TMEM196: variants seen among roughly 807,000 people sequenced by gnomAD.
The protein encoded by TMEM196 is transmembrane protein 196.
In TMEM196, 17 loss-of-function variants were observed where a neutral mutation model predicts 20.0. That is an observed-to-expected ratio of 0.85 (90% CI 0.58 to 1.27). The LOEUF (loss-of-function observed/expected upper bound fraction) is 1.27. TMEM196 is among the 50% of genes most tolerant of loss of function. The pLI is 0.00. For synonymous variants in TMEM196, 113 were observed against 88.9 expected (o/e 1.27, Z -1.52); for missense variants, 267 against 223.0 (o/e 1.20, Z -1.26).
intron 1 of TMEM196, among the ~76,000 whole-genome samples, chr7:19,771,655 G>GA (rs1216318863): frequency 6.6e-6 from 1 of 152,118 alleles, no homozygotes; most frequent in Non-Finnish European, 1.5e-5. Flanking sequence ...TAGCTTGAAG[G>GA]AAAAAACTGG....
intron 1 of TMEM196, among the ~76,000 whole-genome samples, chr7:19,752,146 A>G (rs1785012819): frequency 2.6e-5 from 4 of 152,216 alleles, no homozygotes; most frequent in South Asian, 2.1e-4. Context: ...GGTCATCATA[A>G]AAGCTTATGT....
rs78218770 is a variant in TMEM196, at chr7:19,727,363, G to A, written c.205-1595C>T. On this transcript the variant is annotated intron_variant, in intron 2 of 4. Transcript: ENST00000405844. ...AGAAGGCTTTCTTGAGAATATGTCA[G>A]GTCAGTAACTACAAGTAGTTAATTT... Among the ~76,000 whole-genome samples, 992 of 152,184 alleles carry A rather than the reference G, an allele frequency of 6.5e-3. 7 individuals are homozygous for A. Among genetic ancestry groups the A allele is most frequent in the Non-Finnish European group, 8.6e-3 (587 of 67,988 alleles).
rs527789395 is a variant in TMEM196 at position 19,772,819 on chromosome 7, A to G, written c.-123T>C. On this transcript the variant is annotated 5_prime_UTR_variant, in exon 1 of 5. Transcript: ENST00000405844. ...ATCCCAAAACTTTTCTTTCTTCAAG[A>G]GCGAGGCATTATCCACAAGGGCTGG... 1.3e-5 allele frequency: 13 copies of G among 1,002,494 alleles called. No homozygotes were observed. The South Asian group carries it at 2.7e-4, about 21-fold the overall frequency. 62.1% of individuals were successfully genotyped at this position (1,002,494 alleles called of 1,614,324 possible).
At chr7:19,739,493 A>G (rs148690007) in intron 1 of TMEM196, among the ~76,000 whole-genome samples, 344 of 152,260 alleles carry the variant, frequency 2.3e-3, no homozygotes, top group African/African-American at 7.9e-3. Flanking sequence ...GAGCTTGTCC[A>G]TCTCTTCAGT....
At chr7:19,738,066 A>G (rs1784468012) in intron 1 of TMEM196, among the ~76,000 whole-genome samples, 1 of 152,068 alleles carries the variant, frequency 6.6e-6, no homozygotes, top group African/African-American at 2.4e-5. Flanking sequence ...ATGTAACTTT[A>G]GAAATAAGTG....
intron 3 of TMEM196, 83 bp downstream of exon 3, chr7:19,725,431 C>T: frequency 6.8e-7 from 1 of 1,468,918 alleles, no homozygotes; most frequent in Non-Finnish European, 9.1e-7. Context: ...AAATTGTGAT[C>T]TAAAGTTTCA....
intron 1 of TMEM196, among the ~76,000 whole-genome samples, chr7:19,744,303 A>T (rs1177172461): frequency 6.6e-6 from 1 of 152,198 alleles, no homozygotes; most frequent in Admixed American, 6.5e-5. Context: ...GTGCAGTTGC[A>T]TACAAGATTT....
At chr7:19,765,637 A>G (rs1486406395) in intron 1 of TMEM196, among the ~76,000 whole-genome samples, 4 of 152,154 alleles carry the variant, frequency 2.6e-5, no homozygotes, top group African/African-American at 4.8e-5. Flanking sequence ...CCTAATTTAT[A>G]TAATTATCTT....
At chr7:19,759,771 C>T (rs1785361879) in intron 1 of TMEM196, among the ~76,000 whole-genome samples, 1 of 152,090 alleles carries the variant, frequency 6.6e-6, no homozygotes, top group Admixed American at 6.6e-5. Context: ...ATTCTTAATA[C>T]ATCCCCTCTA....
chr7:19,722,635 G>T (rs1416222836), intron 4 of TMEM196, among the ~76,000 whole-genome samples: 1 of 152,084 alleles, frequency 6.6e-6, no homozygotes, highest in African/African-American at 2.4e-5. Context: ...ATCATAGTGG[G>T]AAAGATTGTT....
At chr7:19,741,040 A>T (rs1188542234) in intron 1 of TMEM196, among the ~76,000 whole-genome samples, 1 of 152,174 alleles carries the variant, frequency 6.6e-6, no homozygotes, top group East Asian at 1.9e-4. Flanking sequence ...TAGTTGCTGA[A>T]ATAAAGTCTT....
chr7:19,722,068 A>G lies in TMEM196; in HGVS notation c.*60T>C, dbSNP rs1287058897. 3 of 1,607,186 alleles carry G rather than the reference A, an allele frequency of 1.9e-6. No individual in the cohort carries two copies. Among genetic ancestry groups the G allele is most frequent in the Admixed American group, 3.4e-5 (2 of 59,332 alleles). On this transcript the variant is annotated 3_prime_UTR_variant, in exon 5 of 5. Transcript: ENST00000405844. ...CCTAAAAAGTGTTCAATTCTTTAAA[A>G]CATTGATTACACTCTTCCATTAAAT...
chr7:19,729,902 T>C (rs182482814), intron 1 of TMEM196, among the ~76,000 whole-genome samples: 3 of 152,224 alleles, frequency 2.0e-5, no homozygotes, highest in East Asian at 3.9e-4. Context: ...ACCACTCCAA[T>C]TGGTACAATG....
intron 1 of TMEM196, among the ~76,000 whole-genome samples, chr7:19,767,779 A>C (rs1190090846): frequency 6.6e-6 from 1 of 152,044 alleles, no homozygotes; most frequent in African/African-American, 2.4e-5. Flanking sequence ...TGGGAGAAAA[A>C]ATGATGTATT....
At chr7:19,738,517 T>C (rs559859106) in intron 1 of TMEM196, among the ~76,000 whole-genome samples, 6 of 152,216 alleles carry the variant, frequency 3.9e-5, no homozygotes, top group African/African-American at 1.4e-4. Flanking sequence ...TCTTGGTTTC[T>C]AATACCTTCT....
chr7:19,752,621 C>CT lies in TMEM196; in HGVS notation c.147+19928dup, dbSNP rs554647960. Among the ~76,000 whole-genome samples the CT allele has an allele frequency of 4.2e-3, 627 of 150,290 alleles. 6 individuals are homozygous for CT. The highest frequency in any genetic ancestry group is 0.017 in the Middle Eastern group (5 of 292). Reference sequence around the variant, plus strand: ...ATTTTATGTATTTCTTTCTTTCTTTCTTTCTTTTTTTGAGATGGAATCTCG... The same window carrying CT: ...ATTTTATGTATTTCTTTCTTTCTTTCTTTTCTTTTTTTGAGATGGAATCTCG... On this transcript the variant is annotated intron_variant, in intron 1 of 4. Transcript: ENST00000405844.
intron 1 of TMEM196, among the ~76,000 whole-genome samples, chr7:19,730,150 G>A (rs1288575464): frequency 2.0e-5 from 3 of 152,012 alleles, no homozygotes; most frequent in African/African-American, 7.2e-5. Flanking sequence ...CAGCTATTCC[G>A]GAGGCTGAGG....
At chr7:19,759,299 G>A (rs906272116) in intron 1 of TMEM196, among the ~76,000 whole-genome samples, 2 of 152,016 alleles carry the variant, frequency 1.3e-5, no homozygotes, top group Non-Finnish European at 1.5e-5. Context: ...TCTCTCCTTC[G>A]GTCTTTTCTT....
chr7:19,772,539 C>T lies in TMEM196; in HGVS notation c.147+11G>A, dbSNP rs1418042548. The T allele has an allele frequency of 6.5e-7, 1 of 1,538,424 alleles. No individual in the cohort carries two copies. The highest frequency in any genetic ancestry group is 2.5e-5 in the East Asian group (1 of 40,276). On this transcript the variant is annotated intron_variant, in intron 1 of 4. Transcript: ENST00000405844. ...TGAAATGGCTCAACGTACACACACCCCGCTCCATACCGGGGACGAGTCTCC... is the reference window on the plus strand; with the variant it reads ...TGAAATGGCTCAACGTACACACACCTCGCTCCATACCGGGGACGAGTCTCC...
Sources: gnomAD v4.1 joint callset for allele counts (sites outside exome capture counted in the v4.1 genomes callset) on GRCh38, gnomAD v4.1.1 for gene constraint, MANE v1.5 for transcripts, NCBI Gene and HGNC (gene_info 2026-07-23, HGNC 2026-07-21) for gene names.